WLS: variants seen among roughly 807,000 people sequenced by gnomAD.
WLS encodes Wnt ligand secretion mediator.
In WLS, 23 loss-of-function variants were observed where a neutral mutation model predicts 62.8. The observed-to-expected ratio is 0.37, with a 90% CI of 0.26 to 0.52. The LOEUF (loss-of-function observed/expected upper bound fraction) is 0.52, where lower values mean the gene tolerates loss of function less well. WLS is among the 20% of genes least tolerant of loss of function. The pLI is 0.92. For missense variants in WLS, 615 were observed against 697.3 expected (o/e 0.88, Z 1.33); for synonymous variants, 246 against 244.1 (o/e 1.01, Z -0.07).
intron 10 of WLS, among the ~76,000 whole-genome samples, chr1:68,141,173 C>A (rs1330305341): frequency 6.6e-6 from 1 of 152,178 alleles, no homozygotes; most frequent in African/African-American, 2.4e-5. Context: ...TTCCACTTAA[C>A]AACAAGATTT....
intron 2 of WLS, chr1:68,162,872 T>G: frequency 6.6e-7 from 1 of 1,512,544 alleles, no homozygotes; most frequent in Non-Finnish European, 9.2e-7. Context: ...ATGGCTTCGT[T>G]AGAACCTTCT....
intron 11 of WLS, among the ~76,000 whole-genome samples, chr1:68,114,123 GC>G (rs1646261050): frequency 6.6e-6 from 1 of 152,184 alleles, no homozygotes; most frequent in Admixed American, 6.5e-5. Context: ...GATGGAGTGA[GC>G]CCATGGGGTG....
chr1:68,163,422 T>A (rs1368821366), intron 2 of WLS, among the ~76,000 whole-genome samples: 3 of 147,564 alleles, frequency 2.0e-5, no homozygotes, highest in Non-Finnish European at 4.5e-5. Context: ...GCGGTGGCGG[T>A]GGCTGCAGCT....
At chr1:68,230,709 T>C (rs1327769547) in intron 1 of WLS, among the ~76,000 whole-genome samples, 1 of 152,164 alleles carries the variant, frequency 6.6e-6, no homozygotes, top group African/African-American at 2.4e-5. Context: ...TTCTGTTTTG[T>C]GGATAAATGC....
intron 2 of WLS, among the ~76,000 whole-genome samples, chr1:68,183,050 G>A (rs549164366): frequency 2.8e-4 from 43 of 152,138 alleles, no homozygotes; most frequent in African/African-American, 9.6e-4. Context: ...ACAGGCACAC[G>A]CCACCATGCT....
rs139461807 is a variant in WLS, at chr1:68,166,740, T to C, written c.380-7493A>G. ...CTAAGCTTTCTAAAGCCATCTATTG[T>C]TGGCTGTTAAAATTATAGCATGTTC... On this transcript the variant is annotated intron_variant, in intron 2 of 11. Coordinates refer to ENST00000262348, the MANE Select transcript of WLS (RefSeq NM_024911.7). Among the ~76,000 whole-genome samples the C allele has an allele frequency of 1.6e-3, 237 of 152,352 alleles. 1 individual carries two copies. Among genetic ancestry groups the C allele is most frequent in the African/African-American group, 5.6e-3 (231 of 41,584 alleles).
chr1:68,185,560 C>A (rs1366536000), intron 2 of WLS, among the ~76,000 whole-genome samples: 1 of 152,128 alleles, frequency 6.6e-6, no homozygotes, highest in African/African-American at 2.4e-5. Flanking sequence ...GGAGTGGGAA[C>A]CCTATTGTGA....
At chr1:68,191,791 A>G (rs1326608779) in intron 2 of WLS, among the ~76,000 whole-genome samples, 1 of 152,118 alleles carries the variant, frequency 6.6e-6, no homozygotes, top group Admixed American at 6.5e-5. Context: ...CATATAAGCC[A>G]TTTCCTTCTA....
chr1:68,103,423 A>G (rs1646103816), intron 11 of WLS, among the ~76,000 whole-genome samples: 1 of 152,194 alleles, frequency 6.6e-6, no homozygotes, highest in Admixed American at 6.5e-5. Context: ...CCAAAAAGCT[A>G]AAGGGATTAA....
At chr1:68,129,848 G>A (rs1013670287) in intron 11 of WLS, among the ~76,000 whole-genome samples, 1 of 152,160 alleles carries the variant, frequency 6.6e-6, no homozygotes, top group Non-Finnish European at 1.5e-5. Flanking sequence ...AATGTGATAT[G>A]TGTCTTGGGG....
At chr1:68,157,492 T>C (rs1405046292) in intron 3 of WLS, among the ~76,000 whole-genome samples, 1 of 151,970 alleles carries the variant, frequency 6.6e-6, no homozygotes, top group Admixed American at 6.6e-5. Flanking sequence ...GATTCCTCTC[T>C]CTCCTTCCTT....
At chr1:68,106,213 C>T (rs966186903) in intron 11 of WLS, among the ~76,000 whole-genome samples, 2 of 152,118 alleles carry the variant, frequency 1.3e-5, no homozygotes, top group Admixed American at 6.5e-5. Context: ...TTAAAAGGCA[C>T]TTCGAGCCAT....
In WLS at chr1:68,175,966, G is replaced by T. The variant is rs760990775; in HGVS notation, c.380-16719C>A. Among the ~76,000 whole-genome samples, 17 of 152,222 alleles carry T rather than the reference G, an allele frequency of 1.1e-4. 1 individual carries two copies. The highest frequency in any genetic ancestry group is 7.2e-4 in the Admixed American group (11 of 15,276). On this transcript the variant is annotated intron_variant, in intron 2 of 11. Transcript: ENST00000262348. Reference sequence around the variant, plus strand: ...GGGATCCCGTCTGTTTCACAGGAAAGCTTTGTTTCTGACAAGTTTCGTAAA... The same window carrying T: ...GGGATCCCGTCTGTTTCACAGGAAATCTTTGTTTCTGACAAGTTTCGTAAA...
chr1:68,210,584 A>C (rs1470981750), intron 1 of WLS, among the ~76,000 whole-genome samples: 1 of 152,230 alleles, frequency 6.6e-6, no homozygotes, highest in African/African-American at 2.4e-5. Flanking sequence ...CAGGAAGGTC[A>C]TCTCTCTTGG....
At chr1:68,226,056 C>T (rs994578037) in intron 1 of WLS, among the ~76,000 whole-genome samples, 1 of 152,166 alleles carries the variant, frequency 6.6e-6, no homozygotes, top group Non-Finnish European at 1.5e-5. Context: ...TCAGCCTTGG[C>T]AAGGCACTTT....
Position 68,125,631 on chromosome 1 carries a change from C to A in WLS, c.*595G>T. ...GATTTGGTTTCAAAGCTGAAATACC[C>A]CTGGTGGAATAAATCTTCTCATGAA... On this transcript the variant is annotated 3_prime_UTR_variant, in exon 12 of 12. Coordinates refer to ENST00000262348, the MANE Select transcript of WLS (RefSeq NM_024911.7). 3.0e-6 allele frequency: 3 copies of A among 985,424 alleles called. No homozygotes were observed. Among genetic ancestry groups the A allele is most frequent in the Non-Finnish European group, 3.6e-6 (3 of 829,988 alleles). The allele number at this position is 985,424 out of a possible 1,614,324, so 61.0% of individuals were successfully genotyped here.
At chr1:68,193,385 A>T (rs1273682766) in intron 2 of WLS, among the ~76,000 whole-genome samples, 1 of 110,856 alleles carries the variant, frequency 9.0e-6, no homozygotes, top group Non-Finnish European at 1.7e-5. Context: ...AGAGTTTTTA[A>T]CTGCAAATAA....
chr1:68,224,181 A>C lies in WLS; in HGVS notation c.106+8013T>G, dbSNP rs575440446. Among the ~76,000 whole-genome samples, 3 of 152,322 alleles carry C rather than the reference A, an allele frequency of 2.0e-5. No individual in the cohort carries two copies. The East Asian group carries it at 5.8e-4, about 29-fold the overall frequency. ...CAAAGAAAGAATACCCCTTGGCCACATTATGAGAATGGAGTACTAAGGAGA... is the reference window on the plus strand; with the variant it reads ...CAAAGAAAGAATACCCCTTGGCCACCTTATGAGAATGGAGTACTAAGGAGA... On this transcript the variant is annotated intron_variant, in intron 1 of 11. Transcript: ENST00000262348.
chr1:68,106,478 C>T (rs547967255), intron 11 of WLS, among the ~76,000 whole-genome samples: 4 of 152,272 alleles, frequency 2.6e-5, no homozygotes, highest in African/African-American at 9.6e-5. Context: ...GACCAGTGTC[C>T]TTCAGGTCTG....
Sources: allele counts gnomAD v4.1 joint callset (sites outside exome capture counted in the v4.1 genomes callset), GRCh38; gene constraint gnomAD v4.1.1; transcripts MANE v1.5; gene names NCBI Gene and HGNC (gene_info 2026-07-23, HGNC 2026-07-21).